NELL2: variants seen among roughly 807,000 people sequenced by gnomAD.
The protein encoded by NELL2 is neural EGFL like 2.
A neutral mutation model predicts 109.6 loss-of-function variants in NELL2; 41 were observed. The observed-to-expected ratio is 0.37, with a 90% CI of 0.29 to 0.49. The LOEUF (loss-of-function observed/expected upper bound fraction) is 0.49, where lower values mean the gene tolerates loss of function less well. Among genes scored for constraint, NELL2 ranks in the 20% least tolerant of loss-of-function variants. The pLI is 0.98. For missense variants in NELL2, 900 were observed against 1,008.3 expected (o/e 0.89, Z 1.45); for synonymous variants, 355 against 344.7 (o/e 1.03, Z -0.33).
At chr12:44,833,261 G>A (rs1183851539) in intron 2 of NELL2, among the ~76,000 whole-genome samples, 4 of 152,102 alleles carry the variant, frequency 2.6e-5, no homozygotes, top group African/African-American at 9.7e-5. Context: ...TTAAAACAGA[G>A]GAGAACTGGG....
intron 15 of NELL2, among the ~76,000 whole-genome samples, chr12:44,563,324 T>A (rs967671820): frequency 1.2e-4 from 18 of 150,964 alleles, no homozygotes; most frequent in African/African-American, 3.9e-4. Flanking sequence ...AAAAAAAAAT[T>A]AAAAAAAAAG....
At position 44,611,085 on chromosome 12, in the gene NELL2, A is replaced by G. The variant is rs141988103; in HGVS notation, c.1445-115T>C. 690 of 960,440 alleles carry G rather than the reference A, an allele frequency of 7.2e-4. 2 individuals are homozygous for G. In the African/African-American group the frequency reaches 8.7e-3, roughly 12 times the overall value. The allele number at this position is 960,440 out of a possible 1,614,324, so 59.5% of individuals were successfully genotyped here. A position where few individuals can be genotyped will look rare whatever the true frequency, so the allele number is the denominator to read the frequency against. ...AAATTCTTTCAACCACAGACATAAC[A>G]AATTATAAATTATAGAAGAGCTCAG... On this transcript the variant is annotated intron_variant, in intron 13 of 19. Coordinates refer to ENST00000429094, the MANE Select transcript of NELL2 (RefSeq NM_001145108.2).
chr12:44,614,534 A>C lies in NELL2; in HGVS notation c.1445-3564T>G, dbSNP rs546250377. On this transcript the variant is annotated intron_variant, in intron 13 of 19. Transcript: ENST00000429094. ...CTAGTGATGAGGCACAATATAGTAA[A>C]GTTCGTCCATGGGAAAAAAAAGTAA... 3.3e-5 allele frequency among the ~76,000 whole-genome samples: 5 copies of C among 152,154 alleles called. No homozygotes were observed. The South Asian group carries it at 8.3e-4, about 25-fold the overall frequency.
intron 9 of NELL2, among the ~76,000 whole-genome samples, chr12:44,715,965 T>G (rs1238145560): frequency 6.6e-6 from 1 of 152,070 alleles, no homozygotes. Flanking sequence ...TAAATTTTAT[T>G]ATTTATTTTT....
At chr12:44,893,868 A>G (rs1441313728) in intron 1 of NELL2, among the ~76,000 whole-genome samples, 1 of 152,234 alleles carries the variant, frequency 6.6e-6, no homozygotes, top group Non-Finnish European at 1.5e-5. Context: ...GTGGCAACAG[A>G]CTAATTCTTT....
At chr12:44,540,348 G>A (rs1419939883) in intron 15 of NELL2, among the ~76,000 whole-genome samples, 1 of 152,074 alleles carries the variant, frequency 6.6e-6, no homozygotes, top group East Asian at 1.9e-4. Context: ...CAGGTGAAGT[G>A]GTAGAGATAG....
At chr12:44,876,344 G>A (rs902333060), upstream of NELL2, 5 of 1,194,690 alleles carry the variant, frequency 4.2e-6, no homozygotes, top group Non-Finnish European at 5.2e-6. Flanking sequence ...CGCGCGGAGA[G>A]ACTGCTCCTC....
At chr12:44,853,513 G>GA (rs1221728635) in intron 2 of NELL2, among the ~76,000 whole-genome samples, 9 of 152,012 alleles carry the variant, frequency 5.9e-5, no homozygotes, top group African/African-American at 2.2e-4. Flanking sequence ...CTCCTAGAGT[G>GA]AAAAAATCCC....
intron 1 of NELL2, 45 bp downstream of exon 1, chr12:44,875,770 G>A (rs1168756838): frequency 2.5e-6 from 4 of 1,612,104 alleles, no homozygotes; most frequent in Non-Finnish European, 3.4e-6. Context: ...CTGCCCCGAG[G>A]CGGGAGCCAT....
chr12:44,635,096 A>T (rs944517836), intron 13 of NELL2, among the ~76,000 whole-genome samples: 1 of 151,794 alleles, frequency 6.6e-6, no homozygotes. Context: ...AGAAGTGTCT[A>T]TTCGTATCCT....
At chr12:44,760,506 A>G (rs2136547576) in intron 9 of NELL2, among the ~76,000 whole-genome samples, 1 of 152,290 alleles carries the variant, frequency 6.6e-6, no homozygotes, top group South Asian at 2.1e-4. Flanking sequence ...CATACTAGAA[A>G]GCTATGATAA....
At chr12:44,733,615 G>A (rs1939488088) in intron 9 of NELL2, among the ~76,000 whole-genome samples, 1 of 151,946 alleles carries the variant, frequency 6.6e-6, no homozygotes, top group Admixed American at 6.6e-5. Context: ...TGAAAGATGA[G>A]AAAGTCCTAG....
intron 19 of NELL2, among the ~76,000 whole-genome samples, chr12:44,513,454 G>T (rs1178117305): frequency 6.6e-6 from 1 of 151,840 alleles, no homozygotes; most frequent in East Asian, 1.9e-4. Context: ...AAAATGACTC[G>T]AAGATGATCC....
chr12:44,860,789 G>T (rs963192764), intron 2 of NELL2, among the ~76,000 whole-genome samples: 1 of 152,150 alleles, frequency 6.6e-6, no homozygotes, highest in Non-Finnish European at 1.5e-5. Context: ...TATATTCACT[G>T]ATTCTGGGGA....
intron 1 of NELL2, among the ~76,000 whole-genome samples, chr12:44,883,727 A>G (rs1417968258): frequency 6.6e-6 from 1 of 152,104 alleles, no homozygotes; most frequent in Non-Finnish European, 1.5e-5. Flanking sequence ...CCACATTCCA[A>G]TTGAAGTAAT....
At chr12:44,651,373 T>G (rs1285997830) in intron 13 of NELL2, among the ~76,000 whole-genome samples, 1 of 152,236 alleles carries the variant, frequency 6.6e-6, no homozygotes, top group Non-Finnish European at 1.5e-5. Context: ...TTTTCCACTT[T>G]ACTGACAAAT....
chr12:44,744,385 A>G (rs1322160983), intron 9 of NELL2, among the ~76,000 whole-genome samples: 2 of 152,218 alleles, frequency 1.3e-5, no homozygotes, highest in East Asian at 3.8e-4. Context: ...ATCACAATTA[A>G]AAGAACTAGA....
chr12:44,785,528 A>G (rs1373160087), intron 3 of NELL2, among the ~76,000 whole-genome samples: 1 of 152,158 alleles, frequency 6.6e-6, no homozygotes, highest in African/African-American at 2.4e-5. Context: ...GAAAAAAACT[A>G]CTTTAAATTT....
At chr12:44,536,138 GT>G (rs1170121216) in intron 15 of NELL2, among the ~76,000 whole-genome samples, 2 of 151,836 alleles carry the variant, frequency 1.3e-5, no homozygotes, top group Admixed American at 6.6e-5. Flanking sequence ...TAGAAGGCAT[GT>G]TTTTTTCGCT....
Sources: allele counts gnomAD v4.1 joint callset (sites outside exome capture counted in the v4.1 genomes callset), GRCh38; gene constraint gnomAD v4.1.1; transcripts MANE v1.5; gene names NCBI Gene and HGNC (gene_info 2026-07-23, HGNC 2026-07-21).